The following SMARCA5 variants were observed in gnomAD, a reference collection of about 807,000 sequenced individuals.
SMARCA5 encodes SWI/SNF-related matrix-associated actin-dependent regulator of chromatin subfamily A member 5.
Under a neutral mutation model 140.4 loss-of-function variants are expected in SMARCA5, and 18 were observed. The ratio of observed to expected loss-of-function variants is 0.13; its 90% confidence interval spans 0.09 to 0.19. SMARCA5 has a LOEUF of 0.19. Ranked by LOEUF, SMARCA5 falls within the 10% of genes least tolerant of loss-of-function variation. SMARCA5 has a pLI of 1.00. For missense variants in SMARCA5, 606 were observed against 1,276.8 expected (o/e 0.47, Z 8.01); for synonymous variants, 449 against 419.6 (o/e 1.07, Z -0.86).
chr4:143,555,449 T>A lies in SMARCA5; in HGVS notation c.*2265T>A. ...ATTTGTGACTAATTGTATAATAGTT[T>A]CTGTTCTGTGGAAAGTAAAGCATTC... On this transcript the variant is annotated 3_prime_UTR_variant, in exon 24 of 24. Transcript: ENST00000283131. 2 of 564,790 alleles carry A rather than the reference T, an allele frequency of 3.5e-6. No individual in the cohort carries two copies. The highest frequency in any genetic ancestry group is 3.5e-5 in the South Asian group (2 of 56,620). The allele number at this position is 564,790 out of a possible 1,614,324, so 35.0% of individuals were successfully genotyped here. A position where few individuals can be genotyped will look rare whatever the true frequency, so the allele number is the denominator to read the frequency against.
rs539493795 is a variant in SMARCA5 at position 143,540,772 on chromosome 4, A to G, written c.1903+277A>G. ...CCTCATCTGTTAAGTGGGGATAAAA[A>G]TAACTACACTTAAGGATTTTAAAGG... On this transcript the variant is annotated intron_variant, in intron 14 of 23. Coordinates refer to ENST00000283131, the MANE Select transcript of SMARCA5 (RefSeq NM_003601.4). 5.9e-5 allele frequency among the ~76,000 whole-genome samples: 9 copies of G among 152,314 alleles called. No individual in the cohort carries two copies. In the South Asian group the frequency reaches 1.9e-3, roughly 32 times the overall value.
chr4:143,549,510 A>G (rs1184921507), intron 22 of SMARCA5, among the ~76,000 whole-genome samples: 1 of 152,094 alleles, frequency 6.6e-6, no homozygotes, highest in Non-Finnish European at 1.5e-5. Context: ...GTAGACTTCC[A>G]TGGCTGGTTT....
chr4:143,514,184 A>G (rs1736771969), intron 1 of SMARCA5, 83 bp downstream of exon 1: 9 of 1,306,886 alleles, frequency 6.9e-6, no homozygotes, highest in African/African-American at 1.5e-5. Context: ...GATCGGACGC[A>G]GAGCCGGGTT....
rs112075108 is a variant in SMARCA5, at chr4:143,514,044, C to T, written c.120C>T (p.Val40=). The T allele has an allele frequency of 1.8e-3, 2,792 of 1,559,332 alleles. 53 individuals are homozygous for T. The African/African-American group carries it at 0.033, about 19-fold the overall frequency. ...NSSNKGGPEG[V]AAQAVASAAS... is the part of the protein sequence containing the mutation. ...GCAACAAAGGCGGCCCCGAAGGCGT[C>T]GCGGCGCAGGCGGTTGCGTCTGCGG... Residue 40 remains valine (V), a synonymous_variant, in exon 1 of 24, where the codon GTC becomes GTT. Transcript: ENST00000283131.
At chr4:143,538,454 G>A (rs1162592068) in intron 11 of SMARCA5, 136 bp from the exon 12 acceptor site, 5 of 671,136 alleles carry the variant, frequency 7.5e-6, no homozygotes, top group African/African-American at 3.6e-5. Flanking sequence ...GGATAATAAT[G>A]TGTAGATTTT....
At position 143,557,351 on chromosome 4, in the gene SMARCA5, T is replaced by C. The variant is rs1052979678; in HGVS notation, c.*4167T>C. The C allele has an allele frequency of 1.3e-5, 2 of 152,254 alleles. No individual in the cohort carries two copies. The highest frequency in any genetic ancestry group is 2.4e-5 in the African/African-American group (1 of 41,468). 9.4% of individuals were successfully genotyped at this position (152,254 alleles called of 1,614,324 possible). ...TAATACAAAGAATATGCATATAGTTTGCTTACTACAGAAATTCTTGTTTTT... is the reference window on the plus strand; with the variant it reads ...TAATACAAAGAATATGCATATAGTTCGCTTACTACAGAAATTCTTGTTTTT... On this transcript the variant is annotated 3_prime_UTR_variant, in exon 24 of 24. Coordinates refer to ENST00000283131, the MANE Select transcript of SMARCA5 (RefSeq NM_003601.4).
At chr4:143,544,217 T>C in intron 16 of SMARCA5, 1 of 251,404 alleles carries the variant, frequency 4.0e-6, no homozygotes, top group Non-Finnish European at 7.5e-6. Context: ...TATATTCTTG[T>C]ATGGGATGAA....
intron 8 of SMARCA5, among the ~76,000 whole-genome samples, 175 bp from the exon 9 acceptor site, chr4:143,530,283 A>G (rs967859919): frequency 6.6e-6 from 1 of 152,190 alleles, no homozygotes; most frequent in Non-Finnish European, 1.5e-5. Flanking sequence ...TTTCTGAACT[A>G]CTTGTTTTAA....
In SMARCA5 at chr4:143,525,257, GATT is replaced by G. The variant is rs140687976; in HGVS notation, c.521-191_521-189del. Among the ~76,000 whole-genome samples, 37 of 152,260 alleles carry G rather than the reference GATT, an allele frequency of 2.4e-4. No individual in the cohort carries two copies. In the East Asian group the frequency reaches 6.8e-3, roughly 28 times the overall value. The stretch of plus-strand genomic sequence containing the variant: ...GCCCGCAGTCATGTTTCCCGCACTT[GATT>G]ATCTTCCATGTCCAGCTTTTCCACT... On this transcript the variant is annotated intron_variant, in intron 4 of 23. Transcript: ENST00000283131.
intron 2 of SMARCA5, among the ~76,000 whole-genome samples, chr4:143,518,793 G>T (rs531038467): frequency 6.6e-6 from 1 of 151,894 alleles, no homozygotes; most frequent in East Asian, 1.9e-4. Flanking sequence ...TTGCCGCTCT[G>T]TTTTTTTAAA....
At chr4:143,539,038 A>G in intron 13 of SMARCA5, 100 bp downstream of exon 13, 11 of 1,022,966 alleles carry the variant, frequency 1.1e-5, no homozygotes, top group Non-Finnish European at 1.6e-5. Flanking sequence ...ATAGAATTTT[A>G]TTTTTCTCTA....
rs955225790 is a variant in SMARCA5, at chr4:143,543,737, A to C, written c.2052+80A>C. On this transcript the variant is annotated intron_variant, in intron 15 of 23. Transcript: ENST00000283131. ...GGAAATATTTGTTACATTGATGATAAATAATTTTATTTCCTTAAAGAGAAG... is the reference window on the plus strand; with the variant it reads ...GGAAATATTTGTTACATTGATGATACATAATTTTATTTCCTTAAAGAGAAG... The C allele has an allele frequency of 1.2e-5, 18 of 1,502,566 alleles. 1 individual carries two copies. In the South Asian group the frequency reaches 1.2e-4, roughly 10 times the overall value. 93.1% of individuals were successfully genotyped at this position (1,502,566 alleles called of 1,614,324 possible). A position where few individuals can be genotyped will look rare whatever the true frequency, so the allele number is the denominator to read the frequency against.
At chr4:143,548,922 T>G (rs901782054) in intron 22 of SMARCA5, among the ~76,000 whole-genome samples, 1 of 151,896 alleles carries the variant, frequency 6.6e-6, no homozygotes, top group African/African-American at 2.4e-5. Flanking sequence ...CCACTGAAAA[T>G]TTTTTTTCAC....
chr4:143,516,418 T>G (rs140468597), intron 1 of SMARCA5, among the ~76,000 whole-genome samples: 184 of 152,274 alleles, frequency 1.2e-3, no homozygotes, highest in Non-Finnish European at 2.1e-3. Flanking sequence ...ACCAATAATG[T>G]GATGTCAAGA....
rs773612551 is a variant in SMARCA5, at chr4:143,556,028, A to G, written c.*2844A>G. On this transcript the variant is annotated 3_prime_UTR_variant, in exon 24 of 24. Coordinates refer to ENST00000283131, the MANE Select transcript of SMARCA5 (RefSeq NM_003601.4). ...TGAGAGAAGCAAATCCTAAGCATAG[A>G]GTACAAGTTGAGCATCCCTAATCAA... 2 of 152,232 alleles carry G rather than the reference A, an allele frequency of 1.3e-5. No individual in the cohort carries two copies. Among genetic ancestry groups the G allele is most frequent in the Non-Finnish European group, 2.9e-5 (2 of 68,052 alleles). The allele number at this position is 152,232 out of a possible 1,614,324, so 9.4% of individuals were successfully genotyped here.
In SMARCA5 at chr4:143,521,572, G is replaced by A. The variant is rs1314447034; in HGVS notation, c.396G>A (p.Lys132=). ...PGRPRIKKDE[K]QNLLSVGDYR... ...GCCCACGAATAAAAAAAGATGAGAA[G>A]CAGAACTTACTATCCGTTGGCGAGT... The change falls in exon 3 of 24, where the codon AAG becomes AAA. Residue 132 remains lysine, a synonymous_variant. Transcript: ENST00000283131. The A allele has an allele frequency of 6.2e-7, 1 of 1,612,738 alleles. No individual in the cohort carries two copies. The highest frequency in any genetic ancestry group is 8.5e-7 in the Non-Finnish European group (1 of 1,179,560).
chr4:143,534,641 T>G (rs1314951462), intron 9 of SMARCA5, among the ~76,000 whole-genome samples: 1 of 152,112 alleles, frequency 6.6e-6, no homozygotes, highest in Non-Finnish European at 1.5e-5. Context: ...ACTCGAGCAT[T>G]TGTGGATTTT....
Position 143,554,941 on chromosome 4 carries a change from C to T in SMARCA5, c.*1757C>T. 1 of 385,906 alleles carries T rather than the reference C, an allele frequency of 2.6e-6. No homozygotes were observed. The highest frequency in any genetic ancestry group is 2.2e-5 in the South Asian group (1 of 45,270). The allele number at this position is 385,906 out of a possible 1,614,324, so 23.9% of individuals were successfully genotyped here. ...CAAATGGAAACTGTGTGAAGGGAAA[C>T]TCACTTGAAAAAAAAGCATGAACCA... On this transcript the variant is annotated 3_prime_UTR_variant, in exon 24 of 24. Transcript: ENST00000283131.
Position 143,513,858 on chromosome 4 carries a change from A to G in SMARCA5, c.-67A>G. 1 of 1,498,588 alleles carries G rather than the reference A, an allele frequency of 6.7e-7. No homozygotes were observed. The highest frequency in any genetic ancestry group is 8.9e-7 in the Non-Finnish European group (1 of 1,120,884). The allele number at this position is 1,498,588 out of a possible 1,614,324, so 92.8% of individuals were successfully genotyped here. A position where few individuals can be genotyped will look rare whatever the true frequency, so the allele number is the denominator to read the frequency against. On this transcript the variant is annotated 5_prime_UTR_variant, in exon 1 of 24. Coordinates refer to ENST00000283131, the MANE Select transcript of SMARCA5 (RefSeq NM_003601.4). Reference sequence around the variant, plus strand: ...TTATTGCGACGTAGCATCCAGGCCTAGGCCTCCCCGTCCATCCCCGCCGGA... The same window carrying G: ...TTATTGCGACGTAGCATCCAGGCCTGGGCCTCCCCGTCCATCCCCGCCGGA...
Sources: gnomAD v4.1 joint callset for allele counts (sites outside exome capture counted in the v4.1 genomes callset) on GRCh38, gnomAD v4.1.1 for gene constraint, MANE v1.5 for transcripts, NCBI Gene and HGNC (gene_info 2026-07-23, HGNC 2026-07-21) for gene names.